UVRAG: variants seen among roughly 807,000 people sequenced by gnomAD.
The protein encoded by UVRAG is UV radiation resistance-associated gene protein.
UVRAG carries 19 observed loss-of-function variants against 78.0 expected under a neutral mutation model. The observed-to-expected ratio is 0.24, with a 90% CI of 0.17 to 0.36. The LOEUF (loss-of-function observed/expected upper bound fraction) is 0.36, where lower values mean the gene tolerates loss of function less well. Among genes scored for constraint, UVRAG ranks in the 10% least tolerant of loss-of-function variants. The probability of loss-of-function intolerance (pLI) is 1.00; values close to 1 mark genes in which losing one functional copy is unlikely to be tolerated. For missense variants in UVRAG, 740 were observed against 853.8 expected, an observed-to-expected ratio of 0.87 and a Z score of 1.66; for synonymous variants, 323 against 324.6, an observed-to-expected ratio of 1.00 and a Z score of 0.05.
At chr11:75,888,561 C>T (rs1158264385) in intron 4 of UVRAG, among the ~76,000 whole-genome samples, 1 of 152,178 alleles carries the variant, frequency 6.6e-6, no homozygotes, top group African/African-American at 2.4e-5. Context: ...CATTCCATAA[C>T]AACCTCAAGA....
At chr11:76,105,145 A>G (rs371879501) in intron 13 of UVRAG, among the ~76,000 whole-genome samples, 3 of 152,210 alleles carry the variant, frequency 2.0e-5, no homozygotes, top group African/African-American at 7.2e-5. Flanking sequence ...TAGATAGATC[A>G]CAGAAACTGT....
chr11:76,069,777 T>G (rs1408160892), intron 13 of UVRAG, among the ~76,000 whole-genome samples: 1 of 152,154 alleles, frequency 6.6e-6, no homozygotes, highest in African/African-American at 2.4e-5. Flanking sequence ...ATCACATAAT[T>G]TGATAAGTGT....
chr11:75,859,435 A>G (rs1249234740), intron 2 of UVRAG, among the ~76,000 whole-genome samples: 3 of 151,986 alleles, frequency 2.0e-5, no homozygotes, highest in Non-Finnish European at 4.4e-5. Context: ...GAAAAAAACT[A>G]AACAATTTTA....
At chr11:75,864,478 G>C (rs1946494608) in intron 3 of UVRAG, among the ~76,000 whole-genome samples, 1 of 152,240 alleles carries the variant, frequency 6.6e-6, no homozygotes, top group East Asian at 1.9e-4. Context: ...GAATATGCCA[G>C]AGATGGCACG....
At chr11:75,933,154 G>T (rs1948279771) in intron 6 of UVRAG, among the ~76,000 whole-genome samples, 1 of 152,026 alleles carries the variant, frequency 6.6e-6, no homozygotes, top group Admixed American at 6.6e-5. Context: ...TGGCCTAAAA[G>T]CAGACACATA....
rs1555093473 is a variant in UVRAG, at chr11:75,949,714, TAC to T, written c.594-11714_594-11713del. On this transcript the variant is annotated intron_variant, in intron 6 of 14. Coordinates refer to ENST00000356136, the MANE Select transcript of UVRAG (RefSeq NM_003369.4). ...ATACATATATATATATATATATATATACACACACACACACACATATACACATA... is the reference window on the plus strand; with the variant it reads ...ATACATATATATATATATATATATATACACACACACACACATATACACATA... 2.2e-3 allele frequency among the ~76,000 whole-genome samples: 297 copies of T among 136,836 alleles called. 1 individual carries two copies. Among genetic ancestry groups the T allele is most frequent in the South Asian group, 0.013 (59 of 4,432 alleles). 89.8% of individuals were successfully genotyped at this position (136,836 alleles called of 152,430 possible). A position where few individuals can be genotyped will look rare whatever the true frequency, so the allele number is the denominator to read the frequency against.
At chr11:75,950,479 C>G (rs992474684) in intron 6 of UVRAG, among the ~76,000 whole-genome samples, 4 of 152,138 alleles carry the variant, frequency 2.6e-5, no homozygotes, top group African/African-American at 9.7e-5. Context: ...TCTCAAACTC[C>G]TGATGTCAAG....
At chr11:75,995,691 A>G (rs1293318474) in intron 8 of UVRAG, among the ~76,000 whole-genome samples, 1 of 152,022 alleles carries the variant, frequency 6.6e-6, no homozygotes, top group African/African-American at 2.4e-5. Flanking sequence ...TTGAAGTTGT[A>G]AATACATTAT....
At chr11:76,112,546 G>A (rs1473860759) in intron 13 of UVRAG, among the ~76,000 whole-genome samples, 2 of 152,036 alleles carry the variant, frequency 1.3e-5, no homozygotes, top group Non-Finnish European at 2.9e-5. Context: ...CCAGCATGAT[G>A]GCTAAAGAAG....
chr11:75,959,470 C>T (rs1424496312), intron 6 of UVRAG, among the ~76,000 whole-genome samples: 1 of 152,226 alleles, frequency 6.6e-6, no homozygotes, highest in Non-Finnish European at 1.5e-5. Flanking sequence ...TCCAACTTTT[C>T]TTCTGCAGCT....
Position 76,003,867 on chromosome 11 carries a change from A to G in UVRAG, c.827-138A>G, listed in dbSNP as rs6592619. The G allele has an allele frequency of 0.054, 39,149 of 722,612 alleles. 3,950 individuals are homozygous for G. The highest frequency in any genetic ancestry group is 0.35 in the African/African-American group (19,897 of 56,462). The allele number at this position is 722,612 out of a possible 1,614,324, so 44.8% of individuals were successfully genotyped here. On this transcript the variant is annotated intron_variant, in intron 8 of 14. Transcript: ENST00000356136. Reference sequence around the variant, plus strand: ...AAGTTTATTCTAGCTACTCTCCCCAAAAAATCTCTGTACTCAACCCACTTT... The same window carrying G: ...AAGTTTATTCTAGCTACTCTCCCCAGAAAATCTCTGTACTCAACCCACTTT...
At chr11:75,984,977 A>C (rs1949468999) in intron 8 of UVRAG, among the ~76,000 whole-genome samples, 1 of 152,088 alleles carries the variant, frequency 6.6e-6, no homozygotes, top group African/African-American at 2.4e-5. Flanking sequence ...TTTCTTAATA[A>C]AGATTTTTAG....
intron 6 of UVRAG, among the ~76,000 whole-genome samples, chr11:75,933,230 CA>C (rs1257199414): frequency 6.6e-6 from 1 of 152,062 alleles, no homozygotes; most frequent in Non-Finnish European, 1.5e-5. Context: ...TCATTTTTGA[CA>C]AAGGTGTTAA....
chr11:75,950,133 C>A (rs1156715210), intron 6 of UVRAG, among the ~76,000 whole-genome samples: 1 of 152,120 alleles, frequency 6.6e-6, no homozygotes, highest in Non-Finnish European at 1.5e-5. Flanking sequence ...GAATATATTA[C>A]AGTTTGCTTA....
chr11:75,859,638 T>C (rs73491754), intron 2 of UVRAG, among the ~76,000 whole-genome samples: 4,804 of 152,252 alleles, frequency 0.032, 256 homozygotes, highest in African/African-American at 0.11. Context: ...TAAAGGTTAA[T>C]TGACCTATCC....
chr11:75,855,497 A>G (rs1016961260), intron 2 of UVRAG, among the ~76,000 whole-genome samples: 13 of 152,202 alleles, frequency 8.5e-5, no homozygotes, highest in Non-Finnish European at 2.9e-5. Flanking sequence ...GGCTTTACAA[A>G]CTTTTAACTA....
intron 3 of UVRAG, 119 bp downstream of exon 3, chr11:75,861,899 C>A (rs537787234): frequency 3.8e-6 from 3 of 787,466 alleles, no homozygotes; most frequent in Non-Finnish European, 6.2e-6. Context: ...AACGGATCTG[C>A]TCAATTGTTA....
At chr11:76,111,848 C>T (rs926849888) in intron 13 of UVRAG, among the ~76,000 whole-genome samples, 3 of 150,512 alleles carry the variant, frequency 2.0e-5, no homozygotes, top group African/African-American at 7.4e-5. Flanking sequence ...CACAGTCTCA[C>T]CTGTAAAGAT....
intron 1 of UVRAG, among the ~76,000 whole-genome samples, chr11:75,825,474 C>T (rs1945491930): frequency 6.6e-6 from 1 of 152,128 alleles, no homozygotes; most frequent in African/African-American, 2.4e-5. Context: ...CAGTTGCCTC[C>T]TTAGATTATA....
Sources: allele counts gnomAD v4.1 joint callset (sites outside exome capture counted in the v4.1 genomes callset), GRCh38; gene constraint gnomAD v4.1.1; transcripts MANE v1.5; gene names NCBI Gene and HGNC (gene_info 2026-07-23, HGNC 2026-07-21).